The following SVOPL variants were observed in gnomAD, a reference collection of about 807,000 sequenced individuals.
SVOPL encodes SVOP like.
In SVOPL, 60 loss-of-function variants were observed where a neutral mutation model predicts 61.0. The ratio of observed to expected loss-of-function variants is 0.98; its 90% confidence interval spans 0.80 to 1.22. The LOEUF (loss-of-function observed/expected upper bound fraction) is 1.22. SVOPL is among the 50% of genes most tolerant of loss of function. The pLI, the probability that SVOPL is intolerant of heterozygous loss-of-function variation, is 0.00. For synonymous variants in SVOPL, 279 were observed against 250.0 expected (o/e 1.12, Z -1.09); for missense variants, 662 against 643.9 (o/e 1.03, Z -0.30).
At chr7:138,639,914 GTT>G (rs71179710) in intron 9 of SVOPL, among the ~76,000 whole-genome samples, 4,877 of 148,048 alleles carry the variant, frequency 0.033, 177 homozygotes, top group East Asian at 0.14. Flanking sequence ...CACTATGCCT[GTT>G]TTTTTTTTTT....
At chr7:138,613,325 G>A (rs1799140194) in intron 14 of SVOPL, among the ~76,000 whole-genome samples, 1 of 152,032 alleles carries the variant, frequency 6.6e-6, no homozygotes, top group African/African-American at 2.4e-5. Context: ...AGGCCAGAGT[G>A]ATCTTTTTAA....
intron 9 of SVOPL, among the ~76,000 whole-genome samples, chr7:138,633,031 T>C (rs1800288268): frequency 6.6e-6 from 1 of 152,202 alleles, no homozygotes; most frequent in Admixed American, 6.6e-5. Context: ...CTTTTAATCA[T>C]AGTTGCCTAG....
At chr7:138,617,852 A>G (rs1255623772) in intron 14 of SVOPL, among the ~76,000 whole-genome samples, 1 of 151,714 alleles carries the variant, frequency 6.6e-6, no homozygotes, top group East Asian at 1.9e-4. Context: ...GGAGGTGGGG[A>G]GGAAAGTAGG....
intron 13 of SVOPL, among the ~76,000 whole-genome samples, chr7:138,622,397 C>A (rs546851432): frequency 6.6e-6 from 1 of 152,152 alleles, no homozygotes; most frequent in East Asian, 1.9e-4. Context: ...TGGGTTCAAC[C>A]GATTCACCTG....
At chr7:138,652,802 T>A (rs1801506403) in intron 7 of SVOPL, among the ~76,000 whole-genome samples, 1 of 151,964 alleles carries the variant, frequency 6.6e-6, no homozygotes, top group Non-Finnish European at 1.5e-5. Context: ...TTTTTTGTAT[T>A]TTTAGTAGAA....
chr7:138,626,410 T>A (rs1490886313), intron 12 of SVOPL, among the ~76,000 whole-genome samples: 4 of 152,100 alleles, frequency 2.6e-5, no homozygotes, highest in Non-Finnish European at 4.4e-5. Context: ...AGACTTTTTT[T>A]AAGACAGAGT....
At chr7:138,600,137 T>C (rs187986240) in intron 14 of SVOPL, among the ~76,000 whole-genome samples, 34 of 152,232 alleles carry the variant, frequency 2.2e-4, no homozygotes, top group African/African-American at 6.3e-4. Flanking sequence ...ATCTGTAGTA[T>C]GATGATACAT....
In SVOPL at chr7:138,655,050, C is replaced by T. The variant is rs892293140; in HGVS notation, c.534+1398G>A. 5.9e-5 allele frequency among the ~76,000 whole-genome samples: 9 copies of T among 151,420 alleles called. No individual in the cohort carries two copies. The South Asian group carries it at 1.9e-3, about 32-fold the overall frequency. On this transcript the variant is annotated intron_variant, in intron 7 of 15. Coordinates refer to ENST00000674285, the MANE Select transcript of SVOPL (RefSeq NM_001139456.2). ...TACAAAAAATACAACAATCAGCTGG[C>T]GTAGTGATGCGCACCTGTAATCCCA...
chr7:138,630,990 G>A (rs959786158), intron 9 of SVOPL, among the ~76,000 whole-genome samples: 2 of 151,298 alleles, frequency 1.3e-5, no homozygotes, highest in African/African-American at 4.8e-5. Context: ...GTTACATGAT[G>A]GCACAGAAAT....
chr7:138,677,491 T>G (rs1329402542), intron 3 of SVOPL, among the ~76,000 whole-genome samples: 2 of 152,148 alleles, frequency 1.3e-5, no homozygotes, highest in Non-Finnish European at 2.9e-5. Flanking sequence ...AAGTCAAATA[T>G]TTTACCCCAA....
intron 15 of SVOPL, among the ~76,000 whole-genome samples, chr7:138,595,739 C>A (rs1465112152): frequency 1.3e-5 from 2 of 152,100 alleles, no homozygotes; most frequent in Non-Finnish European, 2.9e-5. Context: ...AAAGGAAGCA[C>A]ATGAATCATG....
rs146911038 is a variant in SVOPL, at chr7:138,602,282, A to G, written c.1354-5752T>C. Among the ~76,000 whole-genome samples the G allele has an allele frequency of 2.4e-3, 358 of 152,314 alleles. 1 individual carries two copies. Among genetic ancestry groups the G allele is most frequent in the African/African-American group, 8.2e-3 (342 of 41,564 alleles). On this transcript the variant is annotated intron_variant, in intron 14 of 15. Transcript: ENST00000674285. ...ATGTTCAGTTTCCCATTGCTTGTAA[A>G]TAGCAGAAAAAAATAAAATGCAAAC...
chr7:138,687,450 G>A (rs1468462164), intron 1 of SVOPL, among the ~76,000 whole-genome samples: 2 of 151,316 alleles, frequency 1.3e-5, no homozygotes, highest in Non-Finnish European at 2.9e-5. Flanking sequence ...TGGCCAGGCT[G>A]GTCTCAAACT....
intron 8 of SVOPL, among the ~76,000 whole-genome samples, chr7:138,645,325 G>A (rs1442822629): frequency 3.3e-5 from 5 of 152,072 alleles, no homozygotes; most frequent in Middle Eastern, 3.2e-3. Flanking sequence ...TTTGAACATC[G>A]CACGCAGAAA....
chr7:138,656,770 T>C (rs7806757), intron 6 of SVOPL, among the ~76,000 whole-genome samples: 38,466 of 152,110 alleles, frequency 0.25, 6,000 homozygotes, highest in African/African-American at 0.42. Flanking sequence ...TGGCCAGGTG[T>C]GGTGGCTCAC....
At chr7:138,614,801 C>T (rs1284323084) in intron 14 of SVOPL, among the ~76,000 whole-genome samples, 1 of 152,222 alleles carries the variant, frequency 6.6e-6, no homozygotes, top group African/African-American at 2.4e-5. Flanking sequence ...GGCAAAGAGG[C>T]TGTTTAAAAG....
chr7:138,686,626 C>T (rs1264553608), intron 1 of SVOPL, among the ~76,000 whole-genome samples: 2 of 71,446 alleles, frequency 2.8e-5, no homozygotes, highest in Admixed American at 1.2e-4. Flanking sequence ...AGTGCAATGG[C>T]GTGGTCCTGG....
chr7:138,687,231 T>A (rs1346164112), intron 1 of SVOPL, among the ~76,000 whole-genome samples: 1 of 94,900 alleles, frequency 1.1e-5, no homozygotes. Context: ...TTTTCCTCTT[T>A]TTTTTTTTTT....
chr7:138,687,589 C>T (rs1802847864), intron 1 of SVOPL, among the ~76,000 whole-genome samples: 1 of 150,382 alleles, frequency 6.6e-6, no homozygotes, highest in South Asian at 2.1e-4. Context: ...GGGTCTTACT[C>T]TCTTGCCCAG....
Sources: allele counts gnomAD v4.1 joint callset (sites outside exome capture counted in the v4.1 genomes callset), GRCh38; gene constraint gnomAD v4.1.1; transcripts MANE v1.5; gene names NCBI Gene and HGNC (gene_info 2026-07-23, HGNC 2026-07-21).